COL8A2: variants seen among roughly 807,000 people sequenced by gnomAD.
COL8A2 encodes the protein collagen type VIII alpha 2 chain, also known as collagen alpha-2(VIII) chain.
A neutral mutation model predicts 24.0 loss-of-function variants in COL8A2; 16 were observed. That is an observed-to-expected ratio of 0.67 (90% confidence interval 0.45 to 1.01). The LOEUF (loss-of-function observed/expected upper bound fraction) is 1.01, where lower values mean the gene tolerates loss of function less well. Ranked by LOEUF, COL8A2 falls within the 50% of genes least tolerant of loss-of-function variation. COL8A2 has a pLI of 0.00. For missense variants in COL8A2, 818 were observed against 942.4 expected (o/e 0.87, Z 1.73); for synonymous variants, 466 against 424.5 (o/e 1.10, Z -1.20).
In COL8A2 at chr1:36,099,190, G is replaced by A. The variant is rs535919765; in HGVS notation, c.491C>T (p.Pro164Leu). Residue 164 changes from proline (P) to leucine (L), a missense_variant, in exon 4 of 4, where the codon CCG (proline) becomes CTG (leucine). Physicochemically the swap from Pro to Leu is moderately conservative, Grantham distance 98. Coordinates refer to ENST00000397799, the MANE Select transcript of COL8A2 (RefSeq NM_005202.4). ...AGGGATAGTAATGCCTGAGGGGCCC[G>A]GGAGGCCAGGGGGTCCTGGGGGTCC... ...LRGPPGPPGL[P>L]GPSGITIPGK... The A allele has an allele frequency of 1.7e-5, 25 of 1,511,842 alleles. No homozygotes were observed. The highest frequency in any genetic ancestry group is 1.8e-4 in the Middle Eastern group (1 of 5,576). The allele number at this position is 1,511,842 out of a possible 1,614,324, so 93.7% of individuals were successfully genotyped here. A position where few individuals can be genotyped will look rare whatever the true frequency, so the allele number is the denominator to read the frequency against.
At position 36,098,114 on chromosome 1, in the gene COL8A2, G is replaced by A; in HGVS notation, c.1567C>T (p.Pro523Ser). 2 of 1,498,808 alleles carry A rather than the reference G, an allele frequency of 1.3e-6. No individual in the cohort carries two copies. Among genetic ancestry groups the A allele is most frequent in the Non-Finnish European group, 1.8e-6 (2 of 1,133,914 alleles). The allele number at this position is 1,498,808 out of a possible 1,614,324, so 92.8% of individuals were successfully genotyped here. Residue 523 changes from proline to serine, a missense_variant, in exon 4 of 4, where the codon CCT becomes TCT. Physicochemically the swap from Pro to Ser is moderately conservative, Grantham distance 74 (BLOSUM62 -1). This residue lies in a region of COL8A2 where 235 missense variants were observed against 297.3 expected (regional missense o/e 0.79). Transcript: ENST00000397799. The part of the protein sequence containing the change: ...GSPGITGPPG[P>S]PGPPGPPGAP... ...CCAGGGGGTCCCGGGGGCCCGGGAG[G>A]CCCCGGAGGGCCCGTGATTCCAGGG... is the stretch of plus-strand genomic sequence containing the variant.
chr1:36,119,652 G>A (rs192392264), intron 1 of COL8A2, among the ~76,000 whole-genome samples: 11 of 152,306 alleles, frequency 7.2e-5, no homozygotes, highest in South Asian at 2.1e-4. Flanking sequence ...GTCAGGGAGC[G>A]TGGCCTGGAG....
At chr1:36,100,793 G>T (rs192242784) in intron 2 of COL8A2, among the ~76,000 whole-genome samples, 21 of 151,014 alleles carry the variant, frequency 1.4e-4, no homozygotes, top group African/African-American at 4.4e-4. Flanking sequence ...TTTGTCTTAG[G>T]TCTGTCTGAC....
At position 36,107,612 on chromosome 1, in the gene COL8A2, C is replaced by T. The variant is rs1485136568; in HGVS notation, c.-16-7354G>A. The stretch of plus-strand genomic sequence containing the variant: ...TCTGGGTGGAGCTGGGGAGTGCGCA[C>T]TGGCCACAGCGGTGAGAAGGGTGTG... On this transcript the variant is annotated intron_variant, in intron 2 of 3. Transcript: ENST00000397799. Among the ~76,000 whole-genome samples the T allele has an allele frequency of 2.0e-5, 3 of 152,298 alleles. No individual in the cohort carries two copies. The East Asian group carries it at 5.8e-4, about 29-fold the overall frequency.
intron 2 of COL8A2, among the ~76,000 whole-genome samples, chr1:36,110,799 T>G (rs1249426826): frequency 6.6e-6 from 1 of 152,182 alleles, no homozygotes; most frequent in East Asian, 1.9e-4. Context: ...GCCTATAAAA[T>G]AAACTTCTAA....
At chr1:36,105,446 A>G (rs983455242) in intron 2 of COL8A2, among the ~76,000 whole-genome samples, 3 of 152,200 alleles carry the variant, frequency 2.0e-5, no homozygotes, top group Admixed American at 6.5e-5. Flanking sequence ...TAAGAGTCTA[A>G]GTGTCAGCTG....
At position 36,105,202 on chromosome 1, in the gene COL8A2, G is replaced by A. The variant is rs1437866580; in HGVS notation, c.-16-4944C>T. 2.6e-5 allele frequency among the ~76,000 whole-genome samples: 4 copies of A among 152,140 alleles called. No homozygotes were observed. In the East Asian group the frequency reaches 7.7e-4, roughly 29 times the overall value. On this transcript the variant is annotated intron_variant, in intron 2 of 3. Transcript: ENST00000397799. ...CCAGAGAAGATCCATGGACCTGTCA[G>A]CTCTCATGTTCGAATCCCAGTTCTA... is the stretch of plus-strand genomic sequence containing the variant.
At chr1:36,120,776 A>G (rs1396697221) in intron 1 of COL8A2, among the ~76,000 whole-genome samples, 20 of 141,654 alleles carry the variant, frequency 1.4e-4, no homozygotes, top group African/African-American at 4.8e-4. Context: ...AGAGAGAGAG[A>G]GAGGAAGGAA....
Position 36,123,566 on chromosome 1 carries a change from C to A in COL8A2, c.-62+1491G>T, listed in dbSNP as rs1643929846. Among the ~76,000 whole-genome samples, 1 of 152,060 alleles carries A rather than the reference C, an allele frequency of 6.6e-6. No individual in the cohort carries two copies. Among genetic ancestry groups the A allele is most frequent in the Admixed American group, 6.6e-5 (1 of 15,260 alleles). On this transcript the variant is annotated intron_variant, in intron 1 of 3. Coordinates refer to ENST00000397799, the MANE Select transcript of COL8A2 (RefSeq NM_005202.4). The surrounding 1 kb of genome is among the most constrained non-coding windows in gnomAD (Gnocchi z 4.1). ...GGGTGTGAGCGTATGTGTGTGTGTG[C>A]CGTCCTGTCTGAGTATGTCTGGCTG...
chr1:36,112,321 G>A (rs1643855033), intron 2 of COL8A2, among the ~76,000 whole-genome samples: 2 of 152,066 alleles, frequency 1.3e-5, no homozygotes, highest in Admixed American at 1.3e-4. Context: ...TTTTAAGGGT[G>A]AACATCACTT....
chr1:36,100,082 G>A lies in COL8A2; in HGVS notation c.161C>T (p.Pro54Leu), dbSNP rs769320233. The change falls in exon 3 of 4, where the codon CCG becomes CTG. Residue 54 changes from proline (P) to leucine (L), a missense_variant. This residue lies in a region of COL8A2 where 573 missense variants were observed against 616.8 expected (regional missense o/e 0.93). Coordinates refer to ENST00000397799, the MANE Select transcript of COL8A2 (RefSeq NM_005202.4). ...IQPMQKGPVG[P>L]PFREGKGQYL... ...CTGGCCTTTGCCCTCACGGAAGGGC[G>A]GTCCCACAGGTCCTTTCTGCATGGG... The A allele has an allele frequency of 2.7e-5, 43 of 1,611,686 alleles. No individual in the cohort carries two copies. The Admixed American group carries it at 3.3e-4, about 13-fold the overall frequency.
intron 1 of COL8A2, among the ~76,000 whole-genome samples, chr1:36,120,600 T>C (rs2124112079): frequency 6.6e-6 from 1 of 151,832 alleles, no homozygotes; most frequent in East Asian, 1.9e-4. Context: ...ATATAAAAAT[T>C]AGCCAGGCTT....
chr1:36,103,139 T>G (rs1169959242), intron 2 of COL8A2, among the ~76,000 whole-genome samples: 1 of 151,238 alleles, frequency 6.6e-6, no homozygotes, highest in Non-Finnish European at 1.5e-5. Flanking sequence ...CATGCCACCA[T>G]GCCTATGTAA....
At chr1:36,121,909 C>G (rs892198397) in intron 1 of COL8A2, among the ~76,000 whole-genome samples, 5 of 152,102 alleles carry the variant, frequency 3.3e-5, no homozygotes, top group African/African-American at 1.2e-4. Context: ...CATCCATGAG[C>G]TGGGCCAGCA....
chr1:36,106,546 G>A (rs1033188806), intron 2 of COL8A2, among the ~76,000 whole-genome samples: 10 of 152,190 alleles, frequency 6.6e-5, no homozygotes, highest in African/African-American at 2.2e-4. Flanking sequence ...GCAGGAAGCC[G>A]AGGGAGGGGA....
intron 3 of COL8A2, 117 bp from the exon 4 acceptor site, chr1:36,099,604 C>T: frequency 1.3e-6 from 1 of 789,598 alleles, no homozygotes; most frequent in Non-Finnish European, 2.1e-6. Flanking sequence ...TGGGGCTGCC[C>T]CTTCCTGCTC....
At chr1:36,121,055 C>T (rs1643909419) in intron 1 of COL8A2, among the ~76,000 whole-genome samples, 1 of 150,474 alleles carries the variant, frequency 6.6e-6, no homozygotes, top group African/African-American at 2.5e-5. Flanking sequence ...CGCCACTGCA[C>T]TCCAGCCTGG....
chr1:36,103,851 T>C (rs573203057), intron 2 of COL8A2, among the ~76,000 whole-genome samples: 1 of 151,882 alleles, frequency 6.6e-6, no homozygotes, highest in South Asian at 2.1e-4. Context: ...CCCAAAGTGC[T>C]GGGATTACAG....
chr1:36,106,340 G>T (rs1235630010), intron 2 of COL8A2, among the ~76,000 whole-genome samples: 1 of 151,756 alleles, frequency 6.6e-6, no homozygotes, highest in African/African-American at 2.4e-5. Context: ...CACAGTGAGA[G>T]CCTAAGCCCA....
Sources: gnomAD v4.1 joint callset for allele counts (sites outside exome capture counted in the v4.1 genomes callset) on GRCh38, gnomAD v4.1.1 for gene constraint, gnomAD v4.1.1 regional missense constraint, Gnocchi (gnomAD v3.1) non-coding constraint, MANE v1.5 for transcripts, NCBI Gene and HGNC (gene_info 2026-07-23, HGNC 2026-07-21) for gene names.